Variants in PRELID2 observed in about 807,000 individuals in gnomAD.
PRELID2 encodes PRELI domain-containing protein 2.
A neutral mutation model predicts 28.4 loss-of-function variants in PRELID2; 25 were observed. That is an observed-to-expected ratio of 0.88 (90% confidence interval 0.64 to 1.23). The LOEUF is 1.23. Among genes scored for constraint, PRELID2 ranks in the 50% most tolerant of loss-of-function variants. The pLI is 0.00. For synonymous variants in PRELID2, 76 were observed against 71.6 expected, an observed-to-expected ratio of 1.06 and a Z score of -0.31; for missense variants, 201 against 214.4, an observed-to-expected ratio of 0.94 and a Z score of 0.39.
chr5:145,427,057 A>G, the PRELID2 span, among the ~76,000 whole-genome samples: 1 of 152,204 alleles, frequency 6.6e-6, no homozygotes, highest in African/African-American at 2.4e-5. Context: ...GACCTACTTT[A>G]GAATCAATTT....
intron 1 of PRELID2, among the ~76,000 whole-genome samples, chr5:145,527,179 T>G (rs1752616042): frequency 2.0e-5 from 3 of 152,224 alleles, no homozygotes; most frequent in African/African-American, 7.2e-5. Context: ...CTGATGAAAC[T>G]GTTCTATTAT....
At chr5:145,715,390 T>C (rs995616592) in intron 1 of PRELID2, among the ~76,000 whole-genome samples, 43 of 152,164 alleles carry the variant, frequency 2.8e-4, no homozygotes, top group African/African-American at 1.0e-3. Flanking sequence ...TGAGCTGCCA[T>C]CGCCTCTTGC....
At chr5:145,682,330 G>C (rs1267575591) in intron 1 of PRELID2, among the ~76,000 whole-genome samples, 1 of 152,150 alleles carries the variant, frequency 6.6e-6, no homozygotes, top group Non-Finnish European at 1.5e-5. Flanking sequence ...ACCTCACTGG[G>C]AAAATAATAA....
intron 1 of PRELID2, among the ~76,000 whole-genome samples, chr5:145,663,655 C>T (rs1239024958): frequency 1.3e-5 from 2 of 152,048 alleles, no homozygotes; most frequent in African/African-American, 4.8e-5. Context: ...TAATACGTGC[C>T]ACACCAGCAT....
At chr5:145,693,547 C>T (rs3919655) in intron 1 of PRELID2, among the ~76,000 whole-genome samples, 8,312 of 151,510 alleles carry the variant, frequency 0.055, 758 homozygotes, top group African/African-American at 0.19. Context: ...AGCTAAAGGA[C>T]CACTTGAGGC....
intron 5 of PRELID2, among the ~76,000 whole-genome samples, chr5:145,787,789 C>T (rs1752098732): frequency 1.3e-5 from 2 of 152,170 alleles, no homozygotes; most frequent in Admixed American, 6.5e-5. Flanking sequence ...GATCCTCCCA[C>T]TTCAGCGTCC....
At chr5:145,476,818 C>T (rs996387273) in intron 1 of PRELID2, among the ~76,000 whole-genome samples, 1 of 151,838 alleles carries the variant, frequency 6.6e-6, no homozygotes, top group Non-Finnish European at 1.5e-5. Flanking sequence ...CCCAAAAGCG[C>T]ACAGAGGAAT....
At chr5:145,355,312 T>G in the PRELID2 span, among the ~76,000 whole-genome samples, 1 of 152,282 alleles carries the variant, frequency 6.6e-6, no homozygotes, top group African/African-American at 2.4e-5. Flanking sequence ...TACAGTAAGC[T>G]CATGTGTAAT....
chr5:145,288,438 C>T, the PRELID2 span, among the ~76,000 whole-genome samples: 13 of 152,164 alleles, frequency 8.5e-5, no homozygotes, highest in East Asian at 2.5e-3. Context: ...CTGTATTTTA[C>T]TTTTGTTTCT....
intron 1 of PRELID2, 91 bp downstream of exon 1, chr5:145,835,086 G>A (rs968439042): frequency 2.3e-6 from 2 of 853,312 alleles, no homozygotes; most frequent in African/African-American, 3.4e-5. Flanking sequence ...AGAGACACTG[G>A]CGGTGCCAGC....
At chr5:145,263,156 C>G in the PRELID2 span, among the ~76,000 whole-genome samples, 3 of 152,226 alleles carry the variant, frequency 2.0e-5, no homozygotes, top group East Asian at 3.9e-4. Flanking sequence ...AATATACATA[C>G]ATCTAACACT....
chr5:145,359,396 G>A, the PRELID2 span, among the ~76,000 whole-genome samples: 59 of 152,176 alleles, frequency 3.9e-4, no homozygotes, highest in African/African-American at 1.3e-3. Flanking sequence ...TCAGGAATAC[G>A]GCTGCAGGAA....
the PRELID2 span, among the ~76,000 whole-genome samples, chr5:145,298,509 G>A: frequency 6.6e-6 from 1 of 152,178 alleles, no homozygotes. Flanking sequence ...GCAGTTTTAA[G>A]AGGAGGGATT....
At chr5:145,430,536 C>T in the PRELID2 span, among the ~76,000 whole-genome samples, 1 of 152,102 alleles carries the variant, frequency 6.6e-6, no homozygotes, top group East Asian at 1.9e-4. Context: ...TGCCCATTGT[C>T]TAGGCCTGGT....
the PRELID2 span, among the ~76,000 whole-genome samples, chr5:145,319,554 C>T: frequency 7.9e-5 from 12 of 151,836 alleles, no homozygotes; most frequent in African/African-American, 2.9e-4. Flanking sequence ...GCCTGTAGTC[C>T]CAGCTATTCA....
chr5:145,825,338 T>G (rs1243461597), intron 1 of PRELID2, among the ~76,000 whole-genome samples: 1 of 149,222 alleles, frequency 6.7e-6, no homozygotes, highest in East Asian at 2.0e-4. Context: ...CAGGTTTAGA[T>G]ACTCTGCTCC....
intron 1 of PRELID2, among the ~76,000 whole-genome samples, chr5:145,593,675 CAG>C (rs1210838980): frequency 6.6e-6 from 1 of 152,106 alleles, no homozygotes; most frequent in African/African-American, 2.4e-5. Context: ...AACTGTACTG[CAG>C]AGTCATCAAA....
chr5:145,462,958 C>G, the PRELID2 span, among the ~76,000 whole-genome samples: 2 of 152,080 alleles, frequency 1.3e-5, no homozygotes, highest in African/African-American at 2.4e-5. Context: ...TTTGACTGTA[C>G]CTTCTGCTTC....
the PRELID2 span, among the ~76,000 whole-genome samples, chr5:145,365,986 G>T: frequency 2.6e-5 from 4 of 151,696 alleles, no homozygotes; most frequent in African/African-American, 9.7e-5. Flanking sequence ...GGCAAAAATG[G>T]GTCTTTTTTT....
Sources: allele counts gnomAD v4.1 joint callset (sites outside exome capture counted in the v4.1 genomes callset), GRCh38; gene constraint gnomAD v4.1.1; transcripts MANE v1.5; gene names NCBI Gene and HGNC (gene_info 2026-07-23, HGNC 2026-07-21).